Variants in NRCAM observed in about 807,000 individuals in gnomAD.
NRCAM encodes neuronal cell adhesion molecule.
In NRCAM, 83 loss-of-function variants were observed where a neutral mutation model predicts 156.5. The observed-to-expected ratio is 0.53, with a 90% CI of 0.44 to 0.64. The LOEUF (loss-of-function observed/expected upper bound fraction) is 0.64, where lower values mean the gene tolerates loss of function less well. Ranked by LOEUF, NRCAM falls within the 30% of genes least tolerant of loss-of-function variation. The pLI, the probability that NRCAM is intolerant of heterozygous loss-of-function variation, is 0.00. For missense variants in NRCAM, 1,417 were observed against 1,597.3 expected (o/e 0.89, Z 1.92); for synonymous variants, 538 against 563.9 (o/e 0.95, Z 0.65).
chr7:108,387,972 A>G (rs1305802404), intron 2 of NRCAM, among the ~76,000 whole-genome samples: 3 of 152,014 alleles, frequency 2.0e-5, no homozygotes, highest in Admixed American at 6.6e-5. Context: ...TGGACATTTG[A>G]GTTGGTTCCA....
chr7:108,375,064 G>A (rs1323703532), intron 2 of NRCAM, among the ~76,000 whole-genome samples: 1 of 152,080 alleles, frequency 6.6e-6, no homozygotes, highest in Non-Finnish European at 1.5e-5. Context: ...TAGCCACCCA[G>A]CCCAGACTGT....
At chr7:108,225,239 C>T (rs1189757819) in intron 10 of NRCAM, among the ~76,000 whole-genome samples, 1 of 151,998 alleles carries the variant, frequency 6.6e-6, no homozygotes, top group African/African-American at 2.4e-5. Flanking sequence ...CTATGAAATC[C>T]CCTTAATGTT....
intron 2 of NRCAM, among the ~76,000 whole-genome samples, chr7:108,396,337 G>A (rs1374298459): frequency 6.6e-6 from 1 of 152,210 alleles, no homozygotes; most frequent in African/African-American, 2.4e-5. Flanking sequence ...TGGTTTCACA[G>A]TAAAGACTGA....
chr7:108,287,483 A>G (rs2098138219), intron 3 of NRCAM, among the ~76,000 whole-genome samples: 1 of 152,158 alleles, frequency 6.6e-6, no homozygotes, highest in Admixed American at 6.5e-5. Context: ...CAACTCATCA[A>G]GAAAAAACAA....
chr7:108,263,066 C>T (rs554573989), intron 3 of NRCAM, among the ~76,000 whole-genome samples: 1 of 152,342 alleles, frequency 6.6e-6, no homozygotes, highest in Admixed American at 6.5e-5. Context: ...ATGGAGACCA[C>T]TGACACAACC....
intron 20 of NRCAM, among the ~76,000 whole-genome samples, chr7:108,185,128 C>T (rs1276826796): frequency 1.3e-5 from 2 of 152,042 alleles, no homozygotes; most frequent in Non-Finnish European, 2.9e-5. Flanking sequence ...AGGTTTAACA[C>T]ACTTCGTTGA....
At chr7:108,275,510 T>C (rs1563065182) in intron 3 of NRCAM, among the ~76,000 whole-genome samples, 1 of 152,238 alleles carries the variant, frequency 6.6e-6, no homozygotes, top group African/African-American at 2.4e-5. Flanking sequence ...CTAGATTTTG[T>C]AGTTTATTTG....
chr7:108,357,121 A>G (rs962967537), intron 2 of NRCAM, among the ~76,000 whole-genome samples: 1 of 152,218 alleles, frequency 6.6e-6, no homozygotes, highest in Non-Finnish European at 1.5e-5. Flanking sequence ...CTATTATAGT[A>G]GCCTGAACTA....
At chr7:108,227,328 T>C (rs1353542705) in intron 8 of NRCAM, among the ~76,000 whole-genome samples, 1 of 152,210 alleles carries the variant, frequency 6.6e-6, no homozygotes, top group Non-Finnish European at 1.5e-5. Context: ...TCTTTATCTT[T>C]TATGGACACA....
intron 2 of NRCAM, among the ~76,000 whole-genome samples, chr7:108,372,468 G>A (rs1218278899): frequency 2.6e-5 from 4 of 152,084 alleles, no homozygotes; most frequent in Non-Finnish European, 5.9e-5. Context: ...CCGATAAGGA[G>A]TTAACATCCA....
intron 3 of NRCAM, among the ~76,000 whole-genome samples, chr7:108,274,762 A>G (rs1476346794): frequency 3.3e-5 from 5 of 152,156 alleles, no homozygotes; most frequent in Non-Finnish European, 7.3e-5. Context: ...CCTGGCCAGA[A>G]CTTCCAATAC....
chr7:108,350,706 G>A (rs1002372021), intron 2 of NRCAM, among the ~76,000 whole-genome samples: 1 of 152,052 alleles, frequency 6.6e-6, no homozygotes, highest in African/African-American at 2.4e-5. Flanking sequence ...CTCAGAGTTT[G>A]TTTTGGGGAT....
At chr7:108,307,387 T>G (rs1436037995) in intron 3 of NRCAM, among the ~76,000 whole-genome samples, 1 of 152,214 alleles carries the variant, frequency 6.6e-6, no homozygotes, top group Admixed American at 6.5e-5. Flanking sequence ...GAATGTGAAT[T>G]TCCACCATGC....
At chr7:108,408,033 T>C (rs946121498) in intron 1 of NRCAM, among the ~76,000 whole-genome samples, 7 of 152,218 alleles carry the variant, frequency 4.6e-5, no homozygotes, top group Non-Finnish European at 8.8e-5. Flanking sequence ...GTGATTGATA[T>C]AAAATTGATA....
intron 1 of NRCAM, among the ~76,000 whole-genome samples, chr7:108,449,473 G>T (rs1042937202): frequency 2.0e-5 from 3 of 152,142 alleles, no homozygotes. Flanking sequence ...TGAGGTAAGG[G>T]ACTGAAAAGG....
rs762521353 is a variant in NRCAM at position 108,335,857 on chromosome 7, T to TC, written c.-173-23127dup. On this transcript the variant is annotated intron_variant, in intron 2 of 32. Coordinates refer to ENST00000379028, the MANE Select transcript of NRCAM (RefSeq NM_001037132.4). ...TTCCCTCTGTTGCTTAATTCTTTTT[T>TC]CCCCTCTATTTCTATTTTCCACAGT... Among the ~76,000 whole-genome samples, 3 of 152,250 alleles carry TC rather than the reference T, an allele frequency of 2.0e-5. No homozygotes were observed. The East Asian group carries it at 5.8e-4, about 29-fold the overall frequency.
At chr7:108,334,877 G>A (rs1053537900) in intron 2 of NRCAM, among the ~76,000 whole-genome samples, 101 of 152,192 alleles carry the variant, frequency 6.6e-4, no homozygotes, top group Admixed American at 2.0e-4. Context: ...TAGATAAGAT[G>A]AGAAATGAGA....
chr7:108,373,272 C>G (rs1246109221), intron 2 of NRCAM, among the ~76,000 whole-genome samples: 2 of 152,142 alleles, frequency 1.3e-5, no homozygotes, highest in Non-Finnish European at 1.5e-5. Context: ...AGAGATCTGT[C>G]ATATGCCATT....
chr7:108,335,208 GA>G (rs899142582), intron 2 of NRCAM, among the ~76,000 whole-genome samples: 3 of 152,090 alleles, frequency 2.0e-5, no homozygotes, highest in Non-Finnish European at 4.4e-5. Context: ...TGTCACATAA[GA>G]ATTTGTATTA....
Sources: allele counts gnomAD v4.1 joint callset (sites outside exome capture counted in the v4.1 genomes callset), GRCh38; gene constraint gnomAD v4.1.1; transcripts MANE v1.5; gene names NCBI Gene and HGNC (gene_info 2026-07-23, HGNC 2026-07-21).